Variants in PGM1 observed in about 807,000 individuals in gnomAD.
PGM1 encodes phosphoglucomutase-1.
A neutral mutation model predicts 55.6 loss-of-function variants in PGM1; 52 were observed. That is an observed-to-expected ratio of 0.94 (90% confidence interval 0.75 to 1.18). The LOEUF (loss-of-function observed/expected upper bound fraction) is 1.18, where lower values mean the gene tolerates loss of function less well. Ranked by LOEUF, PGM1 falls within the 50% of genes most tolerant of loss-of-function variation. The probability of loss-of-function intolerance (pLI) is 0.00; values close to 1 mark genes in which losing one functional copy is unlikely to be tolerated. For synonymous variants in PGM1, 287 were observed against 271.7 expected (o/e 1.06, Z -0.55); for missense variants, 724 against 729.3 (o/e 0.99, Z 0.08).
chr1:63,646,391 T>C (rs370725234), intron 7 of PGM1, among the ~76,000 whole-genome samples: 159 of 152,182 alleles, frequency 1.0e-3, no homozygotes, highest in African/African-American at 3.5e-3. Context: ...GAAAAGGGTG[T>C]CCATGCATAT....
intron 2 of PGM1, 28 bp downstream of exon 2, chr1:63,629,615 G>T: frequency 6.2e-7 from 1 of 1,606,532 alleles, no homozygotes; most frequent in East Asian, 2.2e-5. Context: ...TTGAGGACAG[G>T]TAAGTTTACA....
rs757202855 is a variant in PGM1 at position 63,651,843 on chromosome 1, A to C, written c.1455A>C (p.Ser485=). 1.9e-6 allele frequency: 3 copies of C among 1,613,944 alleles called. No homozygotes were observed. In the Admixed American group the frequency reaches 5.0e-5, roughly 27 times the overall value. The part of the protein sequence containing the change: ...EYSDPVDGSI[S]RNQGLRLIFT... ...GCGACCCAGTGGATGGAAGCATTTC[A>C]AGAAATCAGGTAGAAACAGACCGGT... Residue 485 remains serine, a synonymous_variant, in exon 9 of 11, where the codon TCA becomes TCC. Coordinates refer to ENST00000371084, the MANE Select transcript of PGM1 (RefSeq NM_002633.3).
chr1:63,635,102 C>A, intron 5 of PGM1, 83 bp downstream of exon 5: 2 of 1,143,076 alleles, frequency 1.7e-6, no homozygotes, highest in Non-Finnish European at 1.3e-6. Context: ...CTGCTTCTGC[C>A]AGACCCAGGG....
chr1:63,602,593 C>T (rs1025476303), intron 1 of PGM1, among the ~76,000 whole-genome samples: 1 of 122,804 alleles, frequency 8.1e-6, no homozygotes, highest in African/African-American at 3.7e-5. Context: ...ATGTTGTACT[C>T]CAATGTGCTC....
At chr1:63,629,735 G>T (rs541751795) in intron 2 of PGM1, 148 bp downstream of exon 2, 2 of 943,044 alleles carry the variant, frequency 2.1e-6, no homozygotes. Context: ...ACAGTGAAAT[G>T]CTTCTCATTT....
chr1:63,652,577 G>A (rs1411259982), intron 9 of PGM1, among the ~76,000 whole-genome samples: 1 of 151,970 alleles, frequency 6.6e-6, no homozygotes, highest in African/African-American at 2.4e-5. Context: ...GTTGCCTGTT[G>A]TCACAGAGTA....
chr1:63,595,460 T>C (rs775245498), intron 1 of PGM1, among the ~76,000 whole-genome samples: 4 of 152,248 alleles, frequency 2.6e-5, no homozygotes, highest in Non-Finnish European at 5.9e-5. Flanking sequence ...AACTGGGCTC[T>C]ATCTACATCT....
At chr1:63,597,085 G>C (rs1157776542) in intron 1 of PGM1, among the ~76,000 whole-genome samples, 1 of 152,180 alleles carries the variant, frequency 6.6e-6, no homozygotes. Flanking sequence ...GTATACAGGA[G>C]TAAGCAGACA....
At chr1:63,634,457 C>G (rs765869030) in intron 4 of PGM1, among the ~76,000 whole-genome samples, 2 of 152,180 alleles carry the variant, frequency 1.3e-5, no homozygotes, top group Non-Finnish European at 2.9e-5. Flanking sequence ...AACCCAGACA[C>G]TCTGATTCCA....
chr1:63,602,771 A>T (rs1648281238), intron 1 of PGM1, among the ~76,000 whole-genome samples: 1 of 152,148 alleles, frequency 6.6e-6, no homozygotes, highest in Admixed American at 6.5e-5. Flanking sequence ...GTGAAACTTC[A>T]TGGTGATCTC....
chr1:63,643,910 CA>C (rs543647157), intron 7 of PGM1, among the ~76,000 whole-genome samples: 125 of 152,304 alleles, frequency 8.2e-4, no homozygotes, highest in African/African-American at 2.9e-3. Context: ...ACTGTATGTT[CA>C]GGGGGCTGGA....
At chr1:63,627,226 G>A (rs761860372) in intron 1 of PGM1, among the ~76,000 whole-genome samples, 34 of 152,150 alleles carry the variant, frequency 2.2e-4, no homozygotes, top group Non-Finnish European at 3.4e-4. Context: ...GTCTGTCTGC[G>A]TCCTGCTTTC....
Position 63,648,414 on chromosome 1 carries a change from A to G in PGM1, c.1145-103A>G, listed in dbSNP as rs1026406600. On this transcript the variant is annotated intron_variant, in intron 7 of 10. Coordinates refer to ENST00000371084, the MANE Select transcript of PGM1 (RefSeq NM_002633.3). Reference sequence around the variant, plus strand: ...CACTTCCCATCACGTCCCTCCCTCAACATGAGATTTGGGTGGGGATGCAGA... The same window carrying G: ...CACTTCCCATCACGTCCCTCCCTCAGCATGAGATTTGGGTGGGGATGCAGA... 1.3e-5 allele frequency: 17 copies of G among 1,283,552 alleles called. No homozygotes were observed. In the African/African-American group the frequency reaches 2.4e-4, roughly 18 times the overall value. 79.5% of individuals were successfully genotyped at this position (1,283,552 alleles called of 1,614,324 possible). A position where few individuals can be genotyped will look rare whatever the true frequency, so the allele number is the denominator to read the frequency against.
At chr1:63,632,578 A>T (rs986259242) in intron 4 of PGM1, among the ~76,000 whole-genome samples, 6 of 152,236 alleles carry the variant, frequency 3.9e-5, no homozygotes, top group African/African-American at 1.4e-4. Context: ...TTACTCAGAC[A>T]AAAGCGATTC....
intron 1 of PGM1, among the ~76,000 whole-genome samples, chr1:63,597,579 A>T (rs946365254): frequency 2.6e-5 from 4 of 152,208 alleles, no homozygotes; most frequent in Admixed American, 6.5e-5. Flanking sequence ...TGTTAGTCAG[A>T]GCCCAATTGG....
intron 1 of PGM1, among the ~76,000 whole-genome samples, chr1:63,614,610 A>T (rs1648659507): frequency 2.0e-5 from 3 of 152,196 alleles, no homozygotes; most frequent in Admixed American, 2.0e-4. Context: ...CAGACTGCGT[A>T]TGACCTGGTG....
chr1:63,629,673 G>T, intron 2 of PGM1, 86 bp downstream of exon 2: 1 of 1,378,436 alleles, frequency 7.3e-7, no homozygotes, highest in East Asian at 2.3e-5. Flanking sequence ...CCAGGGTTTT[G>T]GTTCTGATCC....
In PGM1 at chr1:63,604,993, T is replaced by C. The variant is rs114306781; in HGVS notation, c.246+11259T>C. 4.1e-3 allele frequency among the ~76,000 whole-genome samples: 620 copies of C among 151,856 alleles called. 4 individuals are homozygous for C. The highest frequency in any genetic ancestry group is 0.014 in the African/African-American group (595 of 41,386). On this transcript the variant is annotated intron_variant, in intron 1 of 10. Coordinates refer to ENST00000371084, the MANE Select transcript of PGM1 (RefSeq NM_002633.3). ...GGGGATATAGTTGTATATTTACATA[T>C]GTAGACCAGTCACTAGCCATAGGAG...
At chr1:63,622,643 C>T (rs1006524981) in intron 1 of PGM1, among the ~76,000 whole-genome samples, 18 of 152,126 alleles carry the variant, frequency 1.2e-4, no homozygotes, top group African/African-American at 4.3e-4. Context: ...ATCCTCACGC[C>T]TGTTTTTTTG....
Sources: gnomAD v4.1 joint callset for allele counts (sites outside exome capture counted in the v4.1 genomes callset) on GRCh38, gnomAD v4.1.1 for gene constraint, MANE v1.5 for transcripts, NCBI Gene and HGNC (gene_info 2026-07-23, HGNC 2026-07-21) for gene names.